Variants in SLAIN2 observed in about 807,000 individuals in gnomAD.
SLAIN2 encodes SLAIN motif-containing protein 2.
A neutral mutation model predicts 56.6 loss-of-function variants in SLAIN2; 31 were observed. The observed-to-expected ratio is 0.55, with a 90% CI of 0.41 to 0.74. SLAIN2 has a LOEUF of 0.74. Ranked by LOEUF, SLAIN2 falls within the 30% of genes least tolerant of loss-of-function variation. The probability of loss-of-function intolerance (pLI) is 0.00; values close to 1 mark genes in which losing one functional copy is unlikely to be tolerated. For synonymous variants in SLAIN2, 317 were observed against 284.9 expected, an observed-to-expected ratio of 1.11 and a Z score of -1.13; for missense variants, 777 against 754.2, an observed-to-expected ratio of 1.03 and a Z score of -0.35.
intron 6 of SLAIN2, among the ~76,000 whole-genome samples, chr4:48,393,336 A>G (rs1311223719): frequency 6.7e-6 from 1 of 149,292 alleles, no homozygotes; most frequent in Non-Finnish European, 1.5e-5. Context: ...CACTCCTCCC[A>G]CCTCAGCCTC....
At chr4:48,413,687 G>A (rs1033716507) in intron 6 of SLAIN2, among the ~76,000 whole-genome samples, 10 of 152,074 alleles carry the variant, frequency 6.6e-5, no homozygotes, top group African/African-American at 2.2e-4. Flanking sequence ...GATGTTTCCT[G>A]TTGGTCATGA....
chr4:48,343,364 A>G (rs1348749949), intron 1 of SLAIN2, among the ~76,000 whole-genome samples: 1 of 152,236 alleles, frequency 6.6e-6, no homozygotes, highest in Non-Finnish European at 1.5e-5. Context: ...GGCACATAGT[A>G]AACTGTCTAA....
At chr4:48,368,051 C>CTTTTTTTTTGTTTTTTTTTTTTTTTTT (rs1715568888) in intron 1 of SLAIN2, among the ~76,000 whole-genome samples, 1 of 88,848 alleles carries the variant, frequency 1.1e-5, no homozygotes, top group Non-Finnish European at 2.0e-5. Context: ...GTTTTTGAGG[C>CTTTTTTTTTGTTTTTTTTTTTTTTTTT]TTTTTTTTTT....
rs142951927 is a variant in SLAIN2, at chr4:48,353,816, G to A, written c.389+11688G>A. Among the ~76,000 whole-genome samples, 292 of 152,282 alleles carry A rather than the reference G, an allele frequency of 1.9e-3. 1 individual carries two copies. Among genetic ancestry groups the A allele is most frequent in the African/African-American group, 6.0e-3 (250 of 41,544 alleles). On this transcript the variant is annotated intron_variant, in intron 1 of 7. Transcript: ENST00000264313. Reference sequence around the variant, plus strand: ...ACAGTTAAGATTATTGTAACAGTCCGTACTTGATGAGATGGGGCCTAGACT... The same window carrying A: ...ACAGTTAAGATTATTGTAACAGTCCATACTTGATGAGATGGGGCCTAGACT...
chr4:48,352,590 G>C (rs57277744), intron 1 of SLAIN2, among the ~76,000 whole-genome samples: 1 of 152,174 alleles, frequency 6.6e-6, no homozygotes, highest in East Asian at 1.9e-4. Context: ...ATGTCCAGCA[G>C]CATCCCTGGC....
intron 6 of SLAIN2, among the ~76,000 whole-genome samples, chr4:48,412,365 TACACACACACACACACACACACAC>T (rs748099130): frequency 8.9e-6 from 1 of 112,904 alleles, no homozygotes; most frequent in South Asian, 3.4e-4. Context: ...TTTGTATATG[TACACACACACACACACACACACAC>T]ACACACACAC....
chr4:48,377,184 AT>A (rs749827086), intron 2 of SLAIN2, among the ~76,000 whole-genome samples: 2 of 150,358 alleles, frequency 1.3e-5, no homozygotes, highest in East Asian at 2.0e-4. Context: ...CTACAAAAAA[AT>A]ATATATATAT....
At chr4:48,409,545 A>T (rs1424305018) in intron 6 of SLAIN2, among the ~76,000 whole-genome samples, 1 of 152,204 alleles carries the variant, frequency 6.6e-6, no homozygotes, top group Non-Finnish European at 1.5e-5. Context: ...TTATCCATTC[A>T]TCACTTGGTG....
chr4:48,371,989 C>T (rs903588586), intron 2 of SLAIN2, among the ~76,000 whole-genome samples: 3 of 142,088 alleles, frequency 2.1e-5, no homozygotes, highest in African/African-American at 7.7e-5. Flanking sequence ...CACACACACA[C>T]GCGCGCACAC....
At chr4:48,367,063 T>C (rs1715540761) in intron 1 of SLAIN2, among the ~76,000 whole-genome samples, 1 of 152,228 alleles carries the variant, frequency 6.6e-6, no homozygotes, top group Admixed American at 6.5e-5. Context: ...TACAAATAGG[T>C]TTATTTGTAA....
At chr4:48,348,611 A>G (rs1359393542) in intron 1 of SLAIN2, among the ~76,000 whole-genome samples, 2 of 151,288 alleles carry the variant, frequency 1.3e-5, no homozygotes, top group Non-Finnish European at 2.9e-5. Flanking sequence ...AATTGCTTGA[A>G]TCCGGGAGGC....
At chr4:48,344,962 G>A (rs1413603509) in intron 1 of SLAIN2, among the ~76,000 whole-genome samples, 1 of 152,180 alleles carries the variant, frequency 6.6e-6, no homozygotes, top group Non-Finnish European at 1.5e-5. Flanking sequence ...AAAAGTTTAG[G>A]GATGAGAACT....
intron 1 of SLAIN2, among the ~76,000 whole-genome samples, chr4:48,345,877 G>A (rs1714850928): frequency 6.6e-6 from 1 of 152,150 alleles, no homozygotes; most frequent in Admixed American, 6.5e-5. Context: ...GGGCATGTCA[G>A]CTAGACTCAC....
At chr4:48,370,608 A>T (rs1041110890) in intron 2 of SLAIN2, among the ~76,000 whole-genome samples, 2 of 152,228 alleles carry the variant, frequency 1.3e-5, no homozygotes, top group African/African-American at 4.8e-5. Context: ...AATTGCTTTT[A>T]TGCTCTTTTG....
At chr4:48,370,636 A>G (rs901010326) in intron 2 of SLAIN2, among the ~76,000 whole-genome samples, 5 of 152,260 alleles carry the variant, frequency 3.3e-5, no homozygotes, top group African/African-American at 9.6e-5. Flanking sequence ...GCATTCACAA[A>G]GCTGACAAAA....
intron 2 of SLAIN2, among the ~76,000 whole-genome samples, chr4:48,377,074 C>T (rs1715836813): frequency 6.6e-6 from 1 of 151,722 alleles, no homozygotes; most frequent in African/African-American, 2.4e-5. Context: ...AGTGCAGTGT[C>T]TCACCCCTGT....
chr4:48,381,559 A>AT (rs1449682900), intron 4 of SLAIN2, among the ~76,000 whole-genome samples: 1 of 152,198 alleles, frequency 6.6e-6, no homozygotes, highest in Non-Finnish European at 1.5e-5. Flanking sequence ...CATGTTGGCT[A>AT]TAACTAGACA....
At chr4:48,352,391 GA>G (rs1482098809) in intron 1 of SLAIN2, among the ~76,000 whole-genome samples, 2 of 152,174 alleles carry the variant, frequency 1.3e-5, no homozygotes, top group African/African-American at 4.8e-5. Flanking sequence ...ATTTACCTAT[GA>G]AGGAAATAAT....
intron 6 of SLAIN2, among the ~76,000 whole-genome samples, chr4:48,401,275 T>A (rs1238115863): frequency 1.3e-5 from 2 of 152,236 alleles, no homozygotes; most frequent in Non-Finnish European, 2.9e-5. Flanking sequence ...GGGAGTTTTG[T>A]AGACATCTAT....
Sources: gnomAD v4.1 joint callset for allele counts (sites outside exome capture counted in the v4.1 genomes callset) on GRCh38, gnomAD v4.1.1 for gene constraint, MANE v1.5 for transcripts, NCBI Gene and HGNC (gene_info 2026-07-23, HGNC 2026-07-21) for gene names.